FTL: variants seen among roughly 807,000 people sequenced by gnomAD.
FTL encodes the protein ferritin light chain.
Under a neutral mutation model 16.6 loss-of-function variants are expected in FTL, and 17 were observed. The observed-to-expected ratio is 1.02, with a 90% CI of 0.70 to 1.53. The LOEUF (loss-of-function observed/expected upper bound fraction) is 1.53. Among genes scored for constraint, FTL ranks in the 40% most tolerant of loss-of-function variants. The probability of loss-of-function intolerance (pLI) is 0.00; values close to 1 mark genes in which losing one functional copy is unlikely to be tolerated. For missense variants in FTL, 186 were observed against 226.1 expected (o/e 0.82, Z 1.14); for synonymous variants, 73 against 89.9 (o/e 0.81, Z 1.06).
At chr19:48,966,003 G>T (rs1277713504) in intron 2 of FTL, 87 bp downstream of exon 2, 2 of 1,519,856 alleles carry the variant, frequency 1.3e-6, no homozygotes, top group Middle Eastern at 1.7e-4. Context: ...TGTCGCGTGG[G>T]CTTCTGGGAG....
In FTL at chr19:48,965,898, T is replaced by G. The variant is rs1162743016; in HGVS notation, c.231T>G (p.Ala77=). ...LKMQNQRGGR[A]LFQDIKKPAE... is the part of the protein sequence containing the mutation. ...TGCAAAACCAGCGTGGCGGCCGCGC[T>G]CTCTTCCAGGACATCAAGGTAACTA... is the stretch of plus-strand genomic sequence containing the variant. The change falls in exon 2 of 4, where the codon GCT becomes GCG. Residue 77 remains alanine (A), a synonymous_variant. Coordinates refer to ENST00000331825, the MANE Select transcript of FTL (RefSeq NM_000146.4). The G allele has an allele frequency of 2.5e-6, 4 of 1,613,978 alleles. No homozygotes were observed. In the African/African-American group the frequency reaches 5.3e-5, roughly 22 times the overall value.
Position 48,965,797 on chromosome 19 carries a change from G to C in FTL, c.130G>C (p.Ala44Pro), listed in dbSNP as rs752664261. The change falls in exon 2 of 4, where the codon GCT becomes CCT. Residue 44 changes from alanine to proline, a missense_variant. Ala to Pro is a conservative substitution (Grantham distance 27). Coordinates refer to ENST00000331825, the MANE Select transcript of FTL (RefSeq NM_000146.4). ...CTTCTATTTCGACCGCGATGATGTG[G>C]CTCTGGAAGGCGTGAGCCACTTCTT... ...LGFYFDRDDV[A>P]LEGVSHFFRE... 3.7e-6 allele frequency: 6 copies of C among 1,614,076 alleles called. No homozygotes were observed.
intron 2 of FTL, 27 bp downstream of exon 2, chr19:48,965,943 C>T: frequency 6.2e-7 from 1 of 1,612,648 alleles, no homozygotes; most frequent in Non-Finnish European, 8.5e-7. Flanking sequence ...TAATGGACTA[C>T]ATCTCCCAGC....
rs773435099 is a variant in FTL, at chr19:48,965,839, G to T, written c.172G>T (p.Glu58Ter). 1 of 1,614,202 alleles carries T rather than the reference G, an allele frequency of 6.2e-7. No homozygotes were observed. The highest frequency in any genetic ancestry group is 1.7e-5 in the Admixed American group (1 of 60,018). ...VSHFFRELAE[E>*]KREGYERLLK... is the part of the protein sequence containing the mutation. Reference sequence around the variant, plus strand: ...CCACTTCTTCCGCGAATTGGCCGAGGAGAAGCGCGAGGGCTACGAGCGTCT... The same window carrying T: ...CCACTTCTTCCGCGAATTGGCCGAGTAGAAGCGCGAGGGCTACGAGCGTCT... The change falls in exon 2 of 4, where the codon GAG (glutamate) becomes TAG (stop). Residue 58 changes from glutamate (E) to a stop codon, truncating the protein, a stop_gained. Transcript: ENST00000331825. LOFTEE classifies it high-confidence loss of function.
Position 48,966,375 on chromosome 19 carries a change from A to G in FTL, c.344A>G (p.His115Arg). 2 of 1,614,094 alleles carry G rather than the reference A, an allele frequency of 1.2e-6. No homozygotes were observed. The highest frequency in any genetic ancestry group is 1.7e-6 in the Non-Finnish European group (2 of 1,180,016). ...KKLNQALLDLHALGSARTDPH... is the reference protein window; with the variant it reads ...KKLNQALLDLRALGSARTDPH... ...CTGAACCAGGCCCTTTTGGATCTTC[A>G]TGCCCTGGGTTCTGCCCGCACGGAC... Residue 115 changes from histidine (H) to arginine (R), a missense_variant, in exon 3 of 4, where the codon CAT (histidine) becomes CGT (arginine). His to Arg is a conservative substitution (Grantham distance 29). Transcript: ENST00000331825.
rs192210457 is a variant in FTL at position 48,965,721 on chromosome 19, C to G, written c.103-49C>G. 5.0e-6 allele frequency: 8 copies of G among 1,613,550 alleles called. No individual in the cohort carries two copies. The East Asian group carries it at 1.6e-4, about 31-fold the overall frequency. On this transcript the variant is annotated intron_variant, in intron 1 of 3. Transcript: ENST00000331825. ...TCGGGTAAACAGAGGGCGGAGTCCC[C>G]TTGGCCTCGCCTCCCGCTAACCATT...
intron 1 of FTL, 76 bp from the exon 2 acceptor site, chr19:48,965,694 G>C (rs2038443894): frequency 9.3e-6 from 15 of 1,608,132 alleles, no homozygotes; most frequent in Middle Eastern, 3.3e-4. Flanking sequence ...TTCTTTGTGC[G>C]GTCGGGTAAA....
intron 1 of FTL, 32 bp from the exon 2 acceptor site, chr19:48,965,738 C>G (rs1362483768): frequency 6.2e-7 from 1 of 1,614,104 alleles, no homozygotes; most frequent in Non-Finnish European, 8.5e-7. Flanking sequence ...TCGCCTCCCG[C>G]TAACCATTGT....
rs2038454057 is a variant in FTL, at chr19:48,966,322, G to A, written c.291G>A (p.Met97Ile). 3 of 1,614,160 alleles carry A rather than the reference G, an allele frequency of 1.9e-6. No individual in the cohort carries two copies. The highest frequency in any genetic ancestry group is 2.5e-6 in the Non-Finnish European group (3 of 1,180,022). Residue 97 changes from methionine (M) to isoleucine (I), a missense_variant, in exon 3 of 4, where the codon ATG (methionine) becomes ATA (isoleucine). By Grantham distance (10) the Met-to-Ile change is conservative. Coordinates refer to ENST00000331825, the MANE Select transcript of FTL (RefSeq NM_000146.4). ...EDEWGKTPDAMKAAMALEKKL... is the reference protein window; with the variant it reads ...EDEWGKTPDAIKAAMALEKKL... The stretch of plus-strand genomic sequence containing the variant: ...AGTGGGGTAAAACCCCAGACGCCAT[G>A]AAAGCTGCCATGGCCCTGGAGAAAA...
intron 1 of FTL, 25 bp downstream of exon 1, chr19:48,965,634 C>T (rs745913506): frequency 6.2e-7 from 1 of 1,602,828 alleles, no homozygotes; most frequent in Non-Finnish European, 8.5e-7. Flanking sequence ...CGCCCCTGGC[C>T]CTAATTTCCT....
In FTL at chr19:48,965,530, A is replaced by T. The variant is rs1307719160; in HGVS notation, c.23A>T (p.Asn8Ile). 1.4e-5 allele frequency: 23 copies of T among 1,613,808 alleles called. No individual in the cohort carries two copies. Among genetic ancestry groups the T allele is most frequent in the Non-Finnish European group, 1.7e-6 (2 of 1,179,930 alleles). Reference protein sequence around the residue: MSSQIRQNYSTDVEAAVN... With the variant: MSSQIRQIYSTDVEAAVN... ...ACCATGAGCTCCCAGATTCGTCAGA[A>T]TTATTCCACCGACGTGGAGGCAGCC... The change falls in exon 1 of 4, where the codon AAT (asparagine) becomes ATT (isoleucine). Residue 8 changes from asparagine to isoleucine, a missense_variant. Asn to Ile is a moderately radical substitution (Grantham distance 149, BLOSUM62 -3). Transcript: ENST00000331825.
chr19:48,966,124 G>GCT, intron 2 of FTL, 157 bp from the exon 3 acceptor site: 1 of 1,261,898 alleles, frequency 7.9e-7, no homozygotes, highest in Non-Finnish European at 1.1e-6. Flanking sequence ...GGGACGTATA[G>GCT]CTGTAAGAGC....
intron 2 of FTL, 182 bp from the exon 3 acceptor site, chr19:48,966,099 C>A: frequency 8.4e-7 from 1 of 1,190,296 alleles, no homozygotes; most frequent in Non-Finnish European, 1.2e-6. Context: ...CAGTCCACAC[C>A]GCTGCGTGGT....
intron 2 of FTL, 109 bp downstream of exon 2, chr19:48,966,025 T>C (rs2038449563): frequency 7.0e-7 from 1 of 1,423,160 alleles, no homozygotes; most frequent in Non-Finnish European, 9.7e-7. Context: ...TTGAGTTCGG[T>C]CTTGTGAGCC....
chr19:48,966,039 T>C (rs369461937), intron 2 of FTL, 123 bp downstream of exon 2: 1 of 1,353,396 alleles, frequency 7.4e-7, no homozygotes, highest in Non-Finnish European at 1.0e-6. Context: ...GTGAGCCCTC[T>C]TAACCGCTGG....
chr19:48,966,507 T>C lies in FTL; in HGVS notation c.376-76T>C, dbSNP rs1325664271. On this transcript the variant is annotated intron_variant, in intron 3 of 3. Coordinates refer to ENST00000331825, the MANE Select transcript of FTL (RefSeq NM_000146.4). ...GAGCCTCATTTCACACCTGTCACAT[T>C]TTAATCTGCAACTGGCTGCTCTCTC... The C allele has an allele frequency of 1.9e-6, 3 of 1,612,634 alleles. No homozygotes were observed. In the Admixed American group the frequency reaches 5.0e-5, roughly 27 times the overall value.
chr19:48,966,810 A>T lies in FTL; in HGVS notation c.*75A>T. 1 of 1,484,710 alleles carries T rather than the reference A, an allele frequency of 6.7e-7. No homozygotes were observed. The highest frequency in any genetic ancestry group is 9.4e-7 in the Non-Finnish European group (1 of 1,067,442). 92.0% of individuals were successfully genotyped at this position (1,484,710 alleles called of 1,614,324 possible). On this transcript the variant is annotated 3_prime_UTR_variant, in exon 4 of 4. Transcript: ENST00000331825. ...GGCTTCTGCCTAAGCCTCTCCCTCC[A>T]GCCAATAGGCAGCTTTCTTAACTAT... is the stretch of plus-strand genomic sequence containing the variant.
In FTL at chr19:48,965,761, T is replaced by C; in HGVS notation, c.103-9T>C. On this transcript the variant is annotated splice_polypyrimidine_tract_variant and intron_variant, in intron 1 of 3. Transcript: ENST00000331825. ...CGCTAACCATTGTTGCCTCCATCTC[T>C]TCCCGTAGGGCTTCTATTTCGACCG... is the stretch of plus-strand genomic sequence containing the variant. The C allele has an allele frequency of 1.9e-6, 3 of 1,614,114 alleles. No homozygotes were observed. The highest frequency in any genetic ancestry group is 2.5e-6 in the Non-Finnish European group (3 of 1,179,994).
intron 3 of FTL, 52 bp downstream of exon 3, chr19:48,966,458 C>G (rs1305437398): frequency 6.2e-7 from 1 of 1,614,136 alleles, no homozygotes; most frequent in Admixed American, 1.7e-5. Context: ...CAAGCCTCTG[C>G]TCCCTTTGGG....
Sources: gnomAD v4.1 joint callset for allele counts on GRCh38, gnomAD v4.1.1 for gene constraint, MANE v1.5 for transcripts, NCBI Gene and HGNC (gene_info 2026-07-23, HGNC 2026-07-21) for gene names.